Variants in ANO3 observed in about 807,000 individuals in gnomAD.
The protein encoded by ANO3 is anoctamin-3.
Under a neutral mutation model 144.8 loss-of-function variants are expected in ANO3, and 99 were observed. That is an observed-to-expected ratio of 0.68 (90% CI 0.58 to 0.81). The LOEUF is 0.81. Ranked by LOEUF, ANO3 falls within the 30% of genes least tolerant of loss-of-function variation. The pLI, the probability that ANO3 is intolerant of heterozygous loss-of-function variation, is 0.00. For missense variants in ANO3, 905 were observed against 1,202.2 expected (o/e 0.75, Z 3.66); for synonymous variants, 414 against 392.6 (o/e 1.05, Z -0.64).
chr11:26,197,125 C>A (rs1464159763), intron 1 of ANO3, among the ~76,000 whole-genome samples: 2 of 152,118 alleles, frequency 1.3e-5, no homozygotes, highest in African/African-American at 4.8e-5. Flanking sequence ...CCTCCTCATC[C>A]ATGGGTGTCC....
At chr11:26,377,206 A>G (rs2133945458) in intron 1 of ANO3, among the ~76,000 whole-genome samples, 1 of 152,294 alleles carries the variant, frequency 6.6e-6, no homozygotes, top group African/African-American at 2.4e-5. Context: ...TCCACAAATA[A>G]CAATACACAC....
intron 4 of ANO3, among the ~76,000 whole-genome samples, chr11:26,502,163 G>T (rs1346226945): frequency 3.9e-5 from 6 of 152,074 alleles, no homozygotes; most frequent in Non-Finnish European, 8.8e-5. Context: ...AAGTAAAAGG[G>T]TTAATTTGGA....
intron 1 of ANO3, among the ~76,000 whole-genome samples, chr11:26,284,444 T>A (rs989632010): frequency 6.6e-6 from 1 of 152,190 alleles, no homozygotes; most frequent in Non-Finnish European, 1.5e-5. Context: ...GGGGAATAGA[T>A]TTTGTTTAAT....
intron 1 of ANO3, among the ~76,000 whole-genome samples, chr11:26,246,669 A>ACTCAT (rs1160974344): frequency 2.4e-4 from 36 of 148,106 alleles, no homozygotes; most frequent in African/African-American, 9.3e-4. Flanking sequence ...CCTACCCAAA[A>ACTCAT]CTCATCTTCA....
At chr11:26,223,880 C>T (rs1852202350) in intron 1 of ANO3, among the ~76,000 whole-genome samples, 1 of 152,086 alleles carries the variant, frequency 6.6e-6, no homozygotes, top group Non-Finnish European at 1.5e-5. Flanking sequence ...CTCATTATTG[C>T]AAGGATAGCA....
chr11:26,300,253 C>A (rs970631664), intron 1 of ANO3, among the ~76,000 whole-genome samples: 1 of 151,852 alleles, frequency 6.6e-6, no homozygotes, highest in African/African-American at 2.4e-5. Context: ...CACAGAGACA[C>A]CAAACAGACA....
intron 10 of ANO3, among the ~76,000 whole-genome samples, chr11:26,540,552 T>C (rs11029600): frequency 0.21 from 32,358 of 152,054 alleles, 3,661 homozygotes; most frequent in South Asian, 0.28. Context: ...TTGCAATCTA[T>C]TGATCTGGGC....
In ANO3 at chr11:26,593,570, C is replaced by T. The variant is rs556647526; in HGVS notation, c.1448-4795C>T. Among the ~76,000 whole-genome samples the T allele has an allele frequency of 7.9e-5, 12 of 152,216 alleles. 1 individual carries two copies. In the South Asian group the frequency reaches 2.5e-3, roughly 32 times the overall value. On this transcript the variant is annotated intron_variant, in intron 14 of 26. Transcript: ENST00000256737. Reference sequence around the variant, plus strand: ...CTGTGAGGGTGATGGCATGGGCTGGCGCTTGCCCTGGGCACCCTCAGTCCT... The same window carrying T: ...CTGTGAGGGTGATGGCATGGGCTGGTGCTTGCCCTGGGCACCCTCAGTCCT...
chr11:26,491,855 G>GA (rs1045991548), intron 4 of ANO3, among the ~76,000 whole-genome samples: 8 of 151,294 alleles, frequency 5.3e-5, no homozygotes, highest in South Asian at 2.1e-4. Context: ...GAAGTTTTCT[G>GA]AAAAAAAATA....
chr11:26,308,690 G>T (rs1854439134), upstream of ANO3, among the ~76,000 whole-genome samples: 1 of 152,166 alleles, frequency 6.6e-6, no homozygotes, highest in African/African-American at 2.4e-5. Context: ...ACAGGGAAAA[G>T]AATACAGAAA....
intron 14 of ANO3, among the ~76,000 whole-genome samples, chr11:26,568,731 C>G (rs1186603092): frequency 6.6e-6 from 1 of 151,874 alleles, no homozygotes; most frequent in East Asian, 1.9e-4. Flanking sequence ...TGTAGTTGAC[C>G]AATATTTACT....
At chr11:26,448,555 T>C (rs865798208) in intron 3 of ANO3, among the ~76,000 whole-genome samples, 1 of 152,204 alleles carries the variant, frequency 6.6e-6, no homozygotes, top group South Asian at 2.1e-4. Flanking sequence ...AAGGAGTACA[T>C]GGTGATTTTG....
chr11:26,565,017 A>T, intron 14 of ANO3: 1 of 724,938 alleles, frequency 1.4e-6, no homozygotes, highest in Non-Finnish European at 2.1e-6. Flanking sequence ...TCTAGTGACT[A>T]TAATGATCAT....
In ANO3 at chr11:26,605,511, C is replaced by T. The variant is rs189157276; in HGVS notation, c.1836+5797C>T. 8.5e-5 allele frequency among the ~76,000 whole-genome samples: 13 copies of T among 152,294 alleles called. No homozygotes were observed. The East Asian group carries it at 9.6e-4, about 11-fold the overall frequency. The stretch of plus-strand genomic sequence containing the variant: ...GTTACAGAAGGAATGGTACCAGCTC[C>T]TCTTTGTACCTCTGGTAGAATTCGG... On this transcript the variant is annotated intron_variant, in intron 17 of 26. Coordinates refer to ENST00000256737, the MANE Select transcript of ANO3 (RefSeq NM_031418.4).
At chr11:26,336,032 T>C (rs1855184824) in intron 1 of ANO3, among the ~76,000 whole-genome samples, 1 of 152,122 alleles carries the variant, frequency 6.6e-6, no homozygotes, top group Non-Finnish European at 1.5e-5. Flanking sequence ...CAAGGGTAAA[T>C]TGGAGTGTAT....
rs937255511 is a variant in ANO3, at chr11:26,195,543, A to G, written c.154+6213A>G. 3.9e-5 allele frequency among the ~76,000 whole-genome samples: 6 copies of G among 152,182 alleles called. No individual in the cohort carries two copies. In the East Asian group the frequency reaches 1.2e-3, roughly 29 times the overall value. ...GGAGGAAACGGAGAGAGTAACAATAACAATCATGCATTATCTAGACCAAAG... is the reference window on the plus strand; with the variant it reads ...GGAGGAAACGGAGAGAGTAACAATAGCAATCATGCATTATCTAGACCAAAG... On this transcript the variant is annotated intron_variant, in intron 1 of 27. Transcript: ENST00000672621.
intron 1 of ANO3, among the ~76,000 whole-genome samples, chr11:26,341,483 T>C: frequency 6.6e-6 from 1 of 152,256 alleles, no homozygotes; most frequent in Non-Finnish European, 1.5e-5. Context: ...TAATTCTTAC[T>C]CTTTGCCAGA....
intron 1 of ANO3, among the ~76,000 whole-genome samples, chr11:26,406,916 A>T (rs1218463561): frequency 6.7e-6 from 1 of 149,204 alleles, no homozygotes. Flanking sequence ...ATATATATAC[A>T]CACCTGTATA....
intron 4 of ANO3, among the ~76,000 whole-genome samples, chr11:26,468,598 T>C (rs763048477): frequency 1.3e-5 from 2 of 151,996 alleles, no homozygotes; most frequent in African/African-American, 4.8e-5. Context: ...GAGATAGCTT[T>C]TGTAGTCTTC....
Sources: gnomAD v4.1 joint callset for allele counts (sites outside exome capture counted in the v4.1 genomes callset) on GRCh38, gnomAD v4.1.1 for gene constraint, MANE v1.5 for transcripts, NCBI Gene and HGNC (gene_info 2026-07-23, HGNC 2026-07-21) for gene names.